The following SPOP variants were observed in gnomAD, a reference collection of about 807,000 sequenced individuals.
SPOP encodes speckle-type POZ protein.
In SPOP, 11 loss-of-function variants were observed where a neutral mutation model predicts 45.6. That is an observed-to-expected ratio of 0.24 (90% confidence interval 0.15 to 0.40). The LOEUF is 0.40. Among genes scored for constraint, SPOP ranks in the 10% least tolerant of loss-of-function variants. The pLI, the probability that SPOP is intolerant of heterozygous loss-of-function variation, is 1.00. For synonymous variants in SPOP, 166 were observed against 166.3 expected (o/e 1.00, Z 0.01); for missense variants, 152 against 465.6 (o/e 0.33, Z 6.20).
In SPOP at chr17:49,599,747, C is replaced by G. The variant is rs202188913; in HGVS notation, c.*631G>C. ...AAATAACCTTCCCCTTTTGCCTTCA[C>G]TTGTCATTTTTCATAAAAGGATAAA... On this transcript the variant is annotated 3_prime_UTR_variant, in exon 10 of 10. Coordinates refer to ENST00000504102, the MANE Select transcript of SPOP (RefSeq NM_001007228.2). The G allele has an allele frequency of 1.5e-5, 3 of 204,106 alleles. No homozygotes were observed. The highest frequency in any genetic ancestry group is 1.5e-4 in the East Asian group (2 of 13,226). 12.6% of individuals were successfully genotyped at this position (204,106 alleles called of 1,614,324 possible).
intron 1 of SPOP, among the ~76,000 whole-genome samples, chr17:49,627,084 C>T (rs548062428): frequency 1.3e-4 from 20 of 152,162 alleles, no homozygotes; most frequent in Non-Finnish European, 2.8e-4. Flanking sequence ...CTCCTGACCT[C>T]GTGATTTGCC....
chr17:49,640,713 G>T (rs980365643), intron 1 of SPOP, among the ~76,000 whole-genome samples: 32 of 152,068 alleles, frequency 2.1e-4, no homozygotes, highest in Admixed American at 5.2e-4. Flanking sequence ...TGGCCAAAAG[G>T]GTCCTGCACA....
intron 1 of SPOP, among the ~76,000 whole-genome samples, chr17:49,637,292 T>C (rs1307645640): frequency 6.6e-6 from 1 of 152,172 alleles, no homozygotes; most frequent in Admixed American, 6.5e-5. Context: ...ATGCTCTATT[T>C]CTTAGTCATC....
chr17:49,616,991 G>C (rs1458305745), intron 5 of SPOP, among the ~76,000 whole-genome samples: 4 of 152,206 alleles, frequency 2.6e-5, no homozygotes, highest in African/African-American at 9.7e-5. Flanking sequence ...CTTGGCCTCG[G>C]ATTTAACCAC....
intron 1 of SPOP, among the ~76,000 whole-genome samples, chr17:49,658,329 AT>A (rs1365738468): frequency 2.6e-5 from 4 of 151,972 alleles, no homozygotes; most frequent in African/African-American, 9.7e-5. Flanking sequence ...ATACTTTTCT[AT>A]TTTTTTCCAC....
intron 1 of SPOP, among the ~76,000 whole-genome samples, chr17:49,647,155 G>A (rs923476856): frequency 6.6e-6 from 1 of 151,424 alleles, no homozygotes; most frequent in African/African-American, 2.4e-5. Flanking sequence ...AATTAGCCAG[G>A]TGTGGTGGTG....
intron 1 of SPOP, among the ~76,000 whole-genome samples, chr17:49,635,514 C>T (rs2143398039): frequency 6.6e-6 from 1 of 152,074 alleles, no homozygotes; most frequent in East Asian, 1.9e-4. Context: ...AGTTTTTTTT[C>T]TGTAAGTTAC....
At chr17:49,631,396 G>A (rs1231255535) in intron 1 of SPOP, among the ~76,000 whole-genome samples, 1 of 152,138 alleles carries the variant, frequency 6.6e-6, no homozygotes, top group African/African-American at 2.4e-5. Context: ...TCCCATGGGA[G>A]GAAACTGGGT....
intron 6 of SPOP, 134 bp downstream of exon 6, chr17:49,611,146 C>T (rs1597912005): frequency 1.0e-6 from 1 of 976,430 alleles, no homozygotes; most frequent in East Asian, 2.5e-5. Flanking sequence ...TACCGGAATA[C>T]AAAGATATAT....
At chr17:49,664,662 CTGTT>C (rs1310196012) in intron 1 of SPOP, among the ~76,000 whole-genome samples, 1 of 152,158 alleles carries the variant, frequency 6.6e-6, no homozygotes, top group Non-Finnish European at 1.5e-5. Flanking sequence ...CAAAACTGCT[CTGTT>C]TGTACCAAAA....
At chr17:49,664,979 C>T (rs1266432232) in intron 1 of SPOP, among the ~76,000 whole-genome samples, 1 of 152,050 alleles carries the variant, frequency 6.6e-6, no homozygotes, top group African/African-American at 2.4e-5. Context: ...TTCAACCCTG[C>T]ATGTGGCATC....
At chr17:49,601,140 T>G (rs2071732387) in intron 9 of SPOP, 1 of 153,032 alleles carries the variant, frequency 6.5e-6, no homozygotes, top group Non-Finnish European at 1.5e-5. Context: ...TTGGGAATTT[T>G]CTATGTTGAA....
At chr17:49,647,539 A>G (rs921868568) in intron 1 of SPOP, among the ~76,000 whole-genome samples, 11 of 151,808 alleles carry the variant, frequency 7.2e-5, no homozygotes, top group African/African-American at 2.4e-4. Flanking sequence ...AGAATGCAGT[A>G]GCGCAATCTC....
chr17:49,619,210 T>G lies in SPOP; in HGVS notation c.352+24A>C, dbSNP rs757114427. 2.5e-6 allele frequency: 4 copies of G among 1,613,702 alleles called. No homozygotes were observed. Among genetic ancestry groups the G allele is most frequent in the Non-Finnish European group, 3.4e-6 (4 of 1,179,748 alleles). On this transcript the variant is annotated intron_variant, in intron 4 of 9. Coordinates refer to ENST00000504102, the MANE Select transcript of SPOP (RefSeq NM_001007228.2). The surrounding 1 kb of genome is among the most constrained non-coding windows in gnomAD (Gnocchi z 4.9). ...AACTTCTGGATGTGAAACTTAAGAGTTGAACAAAGAGGAGAACATTTACCC... is the reference window on the plus strand; with the variant it reads ...AACTTCTGGATGTGAAACTTAAGAGGTGAACAAAGAGGAGAACATTTACCC...
Position 49,619,396 on chromosome 17 carries a change from C to A in SPOP, c.201-11G>T, listed in dbSNP as rs370037888. ...TTTACTCGCAAACACCTGTCCAAAA[C>A]AGATAGAAAAAAAAAATGTCAAAAG... is the stretch of plus-strand genomic sequence containing the variant. On this transcript the variant is annotated splice_polypyrimidine_tract_variant and intron_variant, in intron 3 of 9. Coordinates refer to ENST00000504102, the MANE Select transcript of SPOP (RefSeq NM_001007228.2). This position sits in a 1 kb window ranked among gnomAD's most constrained non-coding sequence, Gnocchi z 4.9. The A allele has an allele frequency of 4.7e-5, 74 of 1,583,990 alleles. No individual in the cohort carries two copies. Among genetic ancestry groups the A allele is most frequent in the African/African-American group, 3.6e-4 (26 of 72,320 alleles).
chr17:49,613,644 C>T (rs537270404), intron 5 of SPOP, among the ~76,000 whole-genome samples: 3 of 152,262 alleles, frequency 2.0e-5, no homozygotes, highest in African/African-American at 7.2e-5. Flanking sequence ...AGAGAATGTA[C>T]CTTTATTGTC....
chr17:49,611,908 A>G (rs2071983254), intron 5 of SPOP, among the ~76,000 whole-genome samples: 1 of 148,678 alleles, frequency 6.7e-6, no homozygotes, highest in African/African-American at 2.5e-5. Flanking sequence ...TTTGAGACAG[A>G]GTCTCACTAT....
rs755810590 is a variant in SPOP, at chr17:49,619,053, G to A, written c.408C>T (p.Phe136=). The change falls in exon 5 of 10, where the codon TTC becomes TTT. Residue 136 remains phenylalanine (F), a synonymous_variant. Coordinates refer to ENST00000504102, the MANE Select transcript of SPOP (RefSeq NM_001007228.2). This position sits in a 1 kb window ranked among gnomAD's most constrained non-coding sequence, Gnocchi z 4.9. Reference sequence around the variant, plus strand: ...CATCCAAAAGAAAATCTCTACGGATGAATTTCTTGAATCCCCAGTCTTTGC... The same window carrying A: ...CATCCAAAAGAAAATCTCTACGGATAAATTTCTTGAATCCCCAGTCTTTGC... ...VQGKDWGFKK[F]IRRDFLLDEA... 3.7e-6 allele frequency: 6 copies of A among 1,614,112 alleles called. No individual in the cohort carries two copies. The highest frequency in any genetic ancestry group is 3.3e-5 in the Admixed American group (2 of 60,008).
chr17:49,653,825 T>A (rs925616701), intron 1 of SPOP, among the ~76,000 whole-genome samples: 7 of 149,310 alleles, frequency 4.7e-5, no homozygotes, highest in Non-Finnish European at 1.0e-4. Context: ...ATAATATAAA[T>A]ATAATATACA....
Sources: gnomAD v4.1 joint callset for allele counts (sites outside exome capture counted in the v4.1 genomes callset) on GRCh38, gnomAD v4.1.1 for gene constraint, Gnocchi (gnomAD v3.1) non-coding constraint, MANE v1.5 for transcripts, NCBI Gene and HGNC (gene_info 2026-07-23, HGNC 2026-07-21) for gene names.